Variants in SUCNR1 observed in about 807,000 individuals in gnomAD.
SUCNR1 encodes the protein succinate receptor 1.
A neutral mutation model predicts 2.4 loss-of-function variants in SUCNR1; 5 were observed. That is an observed-to-expected ratio of 2.07 (90% CI 1.08 to 4.36). The LOEUF (loss-of-function observed/expected upper bound fraction) is 4.36. SUCNR1 is among the 30% of genes most tolerant of loss of function. The probability of loss-of-function intolerance (pLI) is 0.00; values close to 1 mark genes in which losing one functional copy is unlikely to be tolerated. For missense variants in SUCNR1, 373 were observed against 399.2 expected (o/e 0.93, Z 0.56); for synonymous variants, 162 against 143.9 (o/e 1.13, Z -0.90).
rs922694049 is a variant in SUCNR1, at chr3:151,884,296, C to G, written c.*2748C>G. 2 of 152,112 alleles carry G rather than the reference C, an allele frequency of 1.3e-5. No individual in the cohort carries two copies. The highest frequency in any genetic ancestry group is 6.5e-5 in the Admixed American group (1 of 15,282). 9.4% of individuals were successfully genotyped at this position (152,112 alleles called of 1,614,324 possible). A position where few individuals can be genotyped will look rare whatever the true frequency, so the allele number is the denominator to read the frequency against. The stretch of plus-strand genomic sequence containing the variant: ...AGAATAGAGTGTATATACATAAACC[C>G]ATGTGCCAGCTGCCATTGCACTGCC... On this transcript the variant is annotated 3_prime_UTR_variant, in exon 3 of 3. Coordinates refer to ENST00000362032, the MANE Select transcript of SUCNR1 (RefSeq NM_033050.6).
rs1181332378 is a variant in SUCNR1, at chr3:151,877,961, A to G, written c.-41-1891A>G. On this transcript the variant is annotated intron_variant, in intron 1 of 2. Transcript: ENST00000362032. ...AGACTTGAGCCCCAAAAGTGCCTGC[A>G]AAGAACAACCAGGGAGAAAGAAGGG... is the stretch of plus-strand genomic sequence containing the variant. 2.0e-5 allele frequency among the ~76,000 whole-genome samples: 3 copies of G among 152,196 alleles called. No homozygotes were observed. In the East Asian group the frequency reaches 5.8e-4, roughly 29 times the overall value.
chr3:151,877,613 G>A (rs941853697), intron 1 of SUCNR1, among the ~76,000 whole-genome samples: 4 of 152,114 alleles, frequency 2.6e-5, no homozygotes, highest in African/African-American at 9.7e-5. Flanking sequence ...TGAGGATATT[G>A]CTTAGATTTT....
chr3:151,879,462 T>C lies in SUCNR1; in HGVS notation c.-41-390T>C, dbSNP rs546195865. On this transcript the variant is annotated intron_variant, in intron 1 of 2. Coordinates refer to ENST00000362032, the MANE Select transcript of SUCNR1 (RefSeq NM_033050.6). ...GATTGGTACTCTTGTGAAAGAAGAT[T>C]AACGGAGCTGCCTTGCCCCTTCTGA... 2.6e-3 allele frequency among the ~76,000 whole-genome samples: 394 copies of C among 152,246 alleles called. 1 individual carries two copies. Among genetic ancestry groups the C allele is most frequent in the African/African-American group, 9.1e-3 (380 of 41,548 alleles).
rs1324454308 is a variant in SUCNR1, at chr3:151,883,508, A to C, written c.*1960A>C. The C allele has an allele frequency of 1.5e-5, 2 of 132,476 alleles. No homozygotes were observed. Among genetic ancestry groups the C allele is most frequent in the Non-Finnish European group, 3.2e-5 (2 of 62,282 alleles). 8.2% of individuals were successfully genotyped at this position (132,476 alleles called of 1,614,324 possible). ...TATATATATATATATATATATATGT[A>C]CCTTGTAAACAAGAGGTTAAGAAAT... On this transcript the variant is annotated 3_prime_UTR_variant, in exon 3 of 3. Transcript: ENST00000362032.
At chr3:151,874,142 ATATATTTTTTTT>A (rs1559855961) in intron 1 of SUCNR1, among the ~76,000 whole-genome samples, 3 of 53,162 alleles carry the variant, frequency 5.6e-5, no homozygotes, top group Non-Finnish European at 8.0e-5. Context: ...ATATATATAT[ATATATTTTTTTT>A]TTTTTTTTTT....
intron 1 of SUCNR1, among the ~76,000 whole-genome samples, chr3:151,876,146 A>G (rs1432625267): frequency 2.0e-5 from 3 of 152,160 alleles, no homozygotes; most frequent in African/African-American, 4.8e-5. Context: ...CTTTTTGAGT[A>G]CCCACAAAAT....
rs1559859051 is a variant in SUCNR1 at position 151,883,463 on chromosome 3, C to CATATATAT, written c.*1916_*1917insTATATATA. The CATATATAT allele has an allele frequency of 1.4e-5, 1 of 70,116 alleles. No homozygotes were observed. Among genetic ancestry groups the CATATATAT allele is most frequent in the Non-Finnish European group, 2.9e-5 (1 of 34,612 alleles). The allele number at this position is 70,116 out of a possible 1,614,324, so 4.3% of individuals were successfully genotyped here. A position where few individuals can be genotyped will look rare whatever the true frequency, so the allele number is the denominator to read the frequency against. ...GAAATATTTTTTCAAACCATAAACT[C>CATATATAT]ACATATATATATATATATATATATA... On this transcript the variant is annotated 3_prime_UTR_variant, in exon 3 of 3. Transcript: ENST00000362032.
At chr3:151,879,669 T>C (rs1419231796) in intron 1 of SUCNR1, among the ~76,000 whole-genome samples, 183 bp from the exon 2 acceptor site, 1 of 152,214 alleles carries the variant, frequency 6.6e-6, no homozygotes, top group Admixed American at 6.5e-5. Context: ...TCATGACCAA[T>C]GTTAATATTA....
At position 151,884,038 on chromosome 3, in the gene SUCNR1, A is replaced by G. The variant is rs1718181073; in HGVS notation, c.*2490A>G. ...TATATCCTCTCTTCCCCAAACCTAAAAGTAAAACTTTCTACCACTGGGGCT... is the reference window on the plus strand; with the variant it reads ...TATATCCTCTCTTCCCCAAACCTAAGAGTAAAACTTTCTACCACTGGGGCT... On this transcript the variant is annotated 3_prime_UTR_variant, in exon 3 of 3. Coordinates refer to ENST00000362032, the MANE Select transcript of SUCNR1 (RefSeq NM_033050.6). The G allele has an allele frequency of 6.6e-6, 1 of 152,126 alleles. No homozygotes were observed. Among genetic ancestry groups the G allele is most frequent in the Admixed American group, 6.5e-5 (1 of 15,276 alleles). 9.4% of individuals were successfully genotyped at this position (152,126 alleles called of 1,614,324 possible). A position where few individuals can be genotyped will look rare whatever the true frequency, so the allele number is the denominator to read the frequency against.
rs1008325560 is a variant in SUCNR1, at chr3:151,881,528, C to CTT, written c.987_988dup (p.Ser330PhefsTer20). ...TAGCAGATGGGCTCATGAACTCCTA[C>CTT]TTTCATTCAGAGAAAAGTGAGGGGC... On this transcript the variant is annotated frameshift_variant, in exon 3 of 3. Transcript: ENST00000362032. LOFTEE classifies it high-confidence loss of function. 3 of 1,598,520 alleles carry CTT rather than the reference C, an allele frequency of 1.9e-6. No homozygotes were observed. The highest frequency in any genetic ancestry group is 2.6e-6 in the Non-Finnish European group (3 of 1,174,908).
In SUCNR1 at chr3:151,881,647, C is replaced by A; in HGVS notation, c.*99C>A. On this transcript the variant is annotated 3_prime_UTR_variant, in exon 3 of 3. Transcript: ENST00000362032. ...AATCAGAGAGTGTCACAGATTTAAC[C>A]TTGATCTAAAGACAAGTTGTACCCA... The A allele has an allele frequency of 8.8e-7, 1 of 1,138,408 alleles. No individual in the cohort carries two copies. Among genetic ancestry groups the A allele is most frequent in the Non-Finnish European group, 1.2e-6 (1 of 807,582 alleles). 70.5% of individuals were successfully genotyped at this position (1,138,408 alleles called of 1,614,324 possible).
chr3:151,882,606 T>A lies in SUCNR1; in HGVS notation c.*1058T>A, dbSNP rs1365940131. 6.6e-6 allele frequency: 1 copy of A among 152,172 alleles called. No homozygotes were observed. Among genetic ancestry groups the A allele is most frequent in the Non-Finnish European group, 1.5e-5 (1 of 67,986 alleles). The allele number at this position is 152,172 out of a possible 1,614,324, so 9.4% of individuals were successfully genotyped here. On this transcript the variant is annotated 3_prime_UTR_variant, in exon 3 of 3. Transcript: ENST00000362032. The stretch of plus-strand genomic sequence containing the variant: ...GGAATAATTTACAAGGATAACTTTA[T>A]TGTAGCGAGAGCAAATCACATCTGG...
rs1718116453 is a variant in SUCNR1, at chr3:151,881,974, TG to T, written c.*428del. On this transcript the variant is annotated 3_prime_UTR_variant, in exon 3 of 3. Transcript: ENST00000362032. ...AGAAGATATATTATTAAATAGTTTT[TG>T]GAAGTTGTGCTGTTAAGCAAATGTA... 6.5e-6 allele frequency: 1 copy of T among 154,822 alleles called. No individual in the cohort carries two copies. The highest frequency in any genetic ancestry group is 1.4e-5 in the Non-Finnish European group (1 of 69,820). The allele number at this position is 154,822 out of a possible 1,614,324, so 9.6% of individuals were successfully genotyped here. A position where few individuals can be genotyped will look rare whatever the true frequency, so the allele number is the denominator to read the frequency against.
chr3:151,880,936 C>T lies in SUCNR1; in HGVS notation c.393C>T (p.His131=). Reference sequence around the variant, plus strand: ...TAATTAAGTATCCTTTCCGAGAACACCTTCTGCAAAAGAAAGAGTTTGCTA... The same window carrying T: ...TAATTAAGTATCCTTTCCGAGAACATCTTCTGCAAAAGAAAGAGTTTGCTA... The part of the protein sequence containing the change: ...YLIIKYPFRE[H]LLQKKEFAIL... Residue 131 remains histidine (H), a synonymous_variant, in exon 3 of 3, where the codon CAC becomes CAT. Coordinates refer to ENST00000362032, the MANE Select transcript of SUCNR1 (RefSeq NM_033050.6). The T allele has an allele frequency of 6.2e-7, 1 of 1,614,024 alleles. No individual in the cohort carries two copies. Among genetic ancestry groups the T allele is most frequent in the Non-Finnish European group, 8.5e-7 (1 of 1,179,996 alleles).
chr3:151,881,596 A>T lies in SUCNR1; in HGVS notation c.*48A>T, dbSNP rs767718609. On this transcript the variant is annotated 3_prime_UTR_variant, in exon 3 of 3. Coordinates refer to ENST00000362032, the MANE Select transcript of SUCNR1 (RefSeq NM_033050.6). ...CTACAGATGAATCTGTAAGCCAGTT[A>T]CAGTTTGCCTTAACTCATAGACATC... 1 of 1,516,914 alleles carries T rather than the reference A, an allele frequency of 6.6e-7. No individual in the cohort carries two copies. The highest frequency in any genetic ancestry group is 1.4e-5 in the African/African-American group (1 of 72,056). 94.0% of individuals were successfully genotyped at this position (1,516,914 alleles called of 1,614,324 possible). A position where few individuals can be genotyped will look rare whatever the true frequency, so the allele number is the denominator to read the frequency against.
chr3:151,874,146 A>ATATATATT (rs1261567808), intron 1 of SUCNR1, among the ~76,000 whole-genome samples: 7 of 60,208 alleles, frequency 1.2e-4, no homozygotes, highest in East Asian at 4.4e-4. Context: ...ATATATATAT[A>ATATATATT]TTTTTTTTTT....
At position 151,874,113 on chromosome 3, in the gene SUCNR1, CACAT is replaced by C. The variant is rs1248229543; in HGVS notation, c.-42+409_-42+412del. ...ACACACACACACACACACACACACA[CACAT>C]ATACATACATATATATATATATATA... On this transcript the variant is annotated intron_variant, in intron 1 of 2. Transcript: ENST00000362032. Among the ~76,000 whole-genome samples, 43 of 86,550 alleles carry C rather than the reference CACAT, an allele frequency of 5.0e-4. 1 individual carries two copies. Among genetic ancestry groups the C allele is most frequent in the African/African-American group, 1.9e-3 (37 of 19,502 alleles). 56.8% of individuals were successfully genotyped at this position (86,550 alleles called of 152,430 possible). A position where few individuals can be genotyped will look rare whatever the true frequency, so the allele number is the denominator to read the frequency against.
chr3:151,878,640 T>C (rs959900077), intron 1 of SUCNR1, among the ~76,000 whole-genome samples: 4 of 152,160 alleles, frequency 2.6e-5, no homozygotes, highest in African/African-American at 9.6e-5. Context: ...GCAGCATTCA[T>C]GTGTCTGCTG....
intron 1 of SUCNR1, among the ~76,000 whole-genome samples, chr3:151,874,083 T>TAC (rs139708188): frequency 0.016 from 1,918 of 117,336 alleles, 23 homozygotes; most frequent in South Asian, 0.024. Flanking sequence ...ATTTGATACA[T>TAC]ACACACACAC....
Sources: gnomAD v4.1 joint callset for allele counts (sites outside exome capture counted in the v4.1 genomes callset) on GRCh38, gnomAD v4.1.1 for gene constraint, MANE v1.5 for transcripts, NCBI Gene and HGNC (gene_info 2026-07-23, HGNC 2026-07-21) for gene names.